NTNG1: variants seen among roughly 807,000 people sequenced by gnomAD.
NTNG1 encodes the protein netrin G1, also known as netrin-G1.
NTNG1 carries 16 observed loss-of-function variants against 54.0 expected under a neutral mutation model. The ratio of observed to expected loss-of-function variants is 0.30; its 90% CI spans 0.20 to 0.45. The LOEUF is 0.45. Among genes scored for constraint, NTNG1 ranks in the 20% least tolerant of loss-of-function variants. NTNG1 has a pLI of 1.00. For synonymous variants in NTNG1, 255 were observed against 263.1 expected, an observed-to-expected ratio of 0.97 and a Z score of 0.30; for missense variants, 530 against 678.7, an observed-to-expected ratio of 0.78 and a Z score of 2.43.
In NTNG1 at chr1:107,183,583, T is replaced by C. The variant is rs147505705; in HGVS notation, c.246+34744T>C. Among the ~76,000 whole-genome samples the C allele has an allele frequency of 2.0e-4, 31 of 152,234 alleles. No homozygotes were observed. In the East Asian group the frequency reaches 5.8e-3, roughly 29 times the overall value. ...AGCTTATATTTGGTTGTATTAGTTT[T>C]GGATGATTATGCCACTTGGAGGACA... On this transcript the variant is annotated intron_variant, in intron 2 of 7. Coordinates refer to ENST00000370068, the MANE Select transcript of NTNG1 (RefSeq NM_001113226.3).
At chr1:107,277,099 T>TTC (rs1435028062) in intron 2 of NTNG1, among the ~76,000 whole-genome samples, 1 of 152,116 alleles carries the variant, frequency 6.6e-6, no homozygotes, top group Non-Finnish European at 1.5e-5. Context: ...GTGGTGCAGT[T>TTC]TTAAGAATGT....
chr1:107,241,144 T>C (rs1382199513), intron 2 of NTNG1, among the ~76,000 whole-genome samples: 2 of 152,226 alleles, frequency 1.3e-5, no homozygotes, highest in African/African-American at 2.4e-5. Flanking sequence ...GACATGGACC[T>C]TCTACTCTTT....
chr1:107,265,126 G>A (rs182259044), intron 2 of NTNG1, among the ~76,000 whole-genome samples: 2 of 152,226 alleles, frequency 1.3e-5, no homozygotes, highest in Admixed American at 1.3e-4. Flanking sequence ...TTTTCTCATT[G>A]TTCCAATATT....
chr1:107,393,203 A>C (rs1490932788), intron 3 of NTNG1, among the ~76,000 whole-genome samples: 2 of 152,206 alleles, frequency 1.3e-5, no homozygotes, highest in African/African-American at 4.8e-5. Context: ...CACGCAGGAA[A>C]CCAGCATATT....
rs772634799 is a variant in NTNG1, at chr1:107,324,761, C to T, written c.726C>T (p.Ser242=). 4.3e-6 allele frequency: 7 copies of T among 1,613,494 alleles called. No homozygotes were observed. Among genetic ancestry groups the T allele is most frequent in the Non-Finnish European group, 5.9e-6 (7 of 1,179,784 alleles). Residue 242 remains serine (S), a synonymous_variant, in exon 3 of 8, where the codon TCC becomes TCT. Transcript: ENST00000370068. The part of the protein sequence containing the change: ...FAGPRLRNMA[S]LYGQLDTTKK... The stretch of plus-strand genomic sequence containing the variant: ...GACCTCGCCTACGCAATATGGCTTC[C>T]CTCTACGGACAGCTGGATACAACCA...
chr1:107,170,341 G>C (rs535984883), intron 2 of NTNG1, among the ~76,000 whole-genome samples: 15 of 152,216 alleles, frequency 9.9e-5, no homozygotes, highest in Non-Finnish European at 2.2e-4. Flanking sequence ...CCACATCAAT[G>C]TCATGTATGA....
intron 2 of NTNG1, among the ~76,000 whole-genome samples, chr1:107,200,573 ATTG>A (rs531393564): frequency 5.7e-4 from 87 of 151,796 alleles, no homozygotes; most frequent in Non-Finnish European, 9.6e-4. Flanking sequence ...GGAGATTTTC[ATTG>A]TTGTTGTTTC....
At chr1:107,159,447 A>C (rs1655250843) in intron 2 of NTNG1, among the ~76,000 whole-genome samples, 1 of 152,146 alleles carries the variant, frequency 6.6e-6, no homozygotes, top group Non-Finnish European at 1.5e-5. Context: ...ATTTATGAAG[A>C]ACTTACATGG....
At chr1:107,258,404 A>G (rs1012885566) in intron 2 of NTNG1, among the ~76,000 whole-genome samples, 3 of 152,052 alleles carry the variant, frequency 2.0e-5, no homozygotes, top group African/African-American at 7.2e-5. Context: ...ACCCCAAAAA[A>G]CCCACCTCTA....
At chr1:107,380,406 G>A (rs748634698) in intron 3 of NTNG1, among the ~76,000 whole-genome samples, 12 of 152,052 alleles carry the variant, frequency 7.9e-5, no homozygotes, top group Admixed American at 5.9e-4. Flanking sequence ...TTTAAAACCA[G>A]TTTGGCTTTA....
upstream of NTNG1, among the ~76,000 whole-genome samples, chr1:107,140,457 A>G (rs1461384270): frequency 1.3e-5 from 2 of 152,088 alleles, no homozygotes; most frequent in African/African-American, 2.4e-5. Context: ...GCCGCAATCC[A>G]GAAGCGTCGT....
intron 7 of NTNG1, among the ~76,000 whole-genome samples, chr1:107,454,343 C>A (rs1193415357): frequency 2.0e-5 from 3 of 152,152 alleles, no homozygotes; most frequent in Non-Finnish European, 4.4e-5. Flanking sequence ...GCATACTTTG[C>A]ACAAGCAAGT....
rs188946466 is a variant in NTNG1, at chr1:107,361,776, T to C, written c.888-33378T>C. On this transcript the variant is annotated intron_variant, in intron 3 of 7. Coordinates refer to ENST00000370068, the MANE Select transcript of NTNG1 (RefSeq NM_001113226.3). Reference sequence around the variant, plus strand: ...TTTTGACACTCGGGAAATGACTTCTTTATGGAAGAAATGATAAACTAGTCT... The same window carrying C: ...TTTTGACACTCGGGAAATGACTTCTCTATGGAAGAAATGATAAACTAGTCT... Among the ~76,000 whole-genome samples the C allele has an allele frequency of 1.6e-3, 247 of 152,272 alleles. 2 individuals are homozygous for C. The highest frequency in any genetic ancestry group is 5.7e-3 in the African/African-American group (235 of 41,542).
At chr1:107,398,195 G>C (rs563716786) in intron 4 of NTNG1, among the ~76,000 whole-genome samples, 9 of 152,098 alleles carry the variant, frequency 5.9e-5, no homozygotes, top group Non-Finnish European at 1.3e-4. Flanking sequence ...ATAGGATGAC[G>C]AGTTAGTGGG....
intron 2 of NTNG1, among the ~76,000 whole-genome samples, chr1:107,268,710 T>G (rs567337677): frequency 6.6e-6 from 1 of 152,142 alleles, no homozygotes; most frequent in Non-Finnish European, 1.5e-5. Context: ...ATTGAGCATT[T>G]CATGGTGAAC....
At chr1:107,476,583 A>T (rs549780755) in intron 7 of NTNG1, among the ~76,000 whole-genome samples, 1 of 152,306 alleles carries the variant, frequency 6.6e-6, no homozygotes, top group East Asian at 1.9e-4. Flanking sequence ...CCCAAACAGG[A>T]AGCTTAGACT....
intron 7 of NTNG1, among the ~76,000 whole-genome samples, chr1:107,461,823 C>T (rs943567120): frequency 3.9e-5 from 6 of 152,108 alleles, no homozygotes; most frequent in African/African-American, 9.7e-5. Flanking sequence ...TGAGCCACCG[C>T]GCCTGGCCTA....
At chr1:107,220,503 T>C (rs1254609586) in intron 2 of NTNG1, among the ~76,000 whole-genome samples, 4 of 152,222 alleles carry the variant, frequency 2.6e-5, no homozygotes, top group African/African-American at 9.6e-5. Context: ...ATCCTCTACA[T>C]ACAGTATCAG....
chr1:107,420,475 T>C (rs1440471219), intron 5 of NTNG1, among the ~76,000 whole-genome samples: 2 of 152,012 alleles, frequency 1.3e-5, no homozygotes, highest in African/African-American at 4.8e-5. Context: ...GGAAAAGAAA[T>C]GGCAGGCAAA....
Sources: allele counts gnomAD v4.1 joint callset (sites outside exome capture counted in the v4.1 genomes callset), GRCh38; gene constraint gnomAD v4.1.1; transcripts MANE v1.5; gene names NCBI Gene and HGNC (gene_info 2026-07-23, HGNC 2026-07-21).